Variants in FGF12 observed in about 807,000 individuals in gnomAD.
FGF12 encodes the protein fibroblast growth factor 12.
A neutral mutation model predicts 23.6 loss-of-function variants in FGF12; 14 were observed. That is an observed-to-expected ratio of 0.59 (90% CI 0.39 to 0.93). The LOEUF is 0.93. Ranked by LOEUF, FGF12 falls within the 40% of genes least tolerant of loss-of-function variation. FGF12 has a pLI of 0.00. For synonymous variants in FGF12, 62 were observed against 77.3 expected (o/e 0.80, Z 1.04); for missense variants, 175 against 217.8 (o/e 0.80, Z 1.24).
At chr3:192,416,724 T>C (rs1721369368) in intron 2 of FGF12, among the ~76,000 whole-genome samples, 1 of 152,132 alleles carries the variant, frequency 6.6e-6, no homozygotes, top group Non-Finnish European at 1.5e-5. Flanking sequence ...CGTCACTCAC[T>C]TAAAAGTAAT....
intron 2 of FGF12, among the ~76,000 whole-genome samples, chr3:192,704,750 A>G (rs535380691): frequency 2.0e-5 from 3 of 152,336 alleles, no homozygotes; most frequent in Admixed American, 6.5e-5. Flanking sequence ...AAGACTATGA[A>G]GTCTCCATTG....
intron 2 of FGF12, among the ~76,000 whole-genome samples, chr3:192,546,289 G>A (rs564384078): frequency 3.6e-4 from 54 of 151,972 alleles, no homozygotes; most frequent in African/African-American, 1.3e-3. Context: ...CGCACTACAG[G>A]GCTTACAATA....
intron 2 of FGF12, among the ~76,000 whole-genome samples, chr3:192,398,590 C>T (rs191173206): frequency 2.7e-3 from 405 of 152,162 alleles, no homozygotes; most frequent in African/African-American, 9.5e-3. Context: ...CCATGTTGAC[C>T]AGACTGGTCT....
At chr3:192,528,639 T>A (rs1381217752) in intron 2 of FGF12, among the ~76,000 whole-genome samples, 1 of 152,196 alleles carries the variant, frequency 6.6e-6, no homozygotes, top group Non-Finnish European at 1.5e-5. Flanking sequence ...GCAGAGGTTC[T>A]CTATGAGAGC....
chr3:192,352,458 C>T (rs1223580933), intron 3 of FGF12, among the ~76,000 whole-genome samples: 1 of 152,230 alleles, frequency 6.6e-6, no homozygotes, highest in Non-Finnish European at 1.5e-5. Context: ...TTCTCAGATA[C>T]ATAGATGCTG....
intron 3 of FGF12, among the ~76,000 whole-genome samples, chr3:192,347,944 C>T (rs150283956): frequency 6.6e-6 from 1 of 152,150 alleles, no homozygotes; most frequent in Non-Finnish European, 1.5e-5. Context: ...AAGTGTTAAA[C>T]TAATTGCCCA....
intron 2 of FGF12, among the ~76,000 whole-genome samples, chr3:192,680,524 G>C (rs575899511): frequency 2.0e-5 from 3 of 152,142 alleles, no homozygotes; most frequent in Non-Finnish European, 4.4e-5. Context: ...AAGCCAAAGA[G>C]GTCAGACTGT....
chr3:192,194,523 C>T (rs891665910), intron 4 of FGF12, among the ~76,000 whole-genome samples: 3 of 152,186 alleles, frequency 2.0e-5, no homozygotes, highest in Admixed American at 1.3e-4. Context: ...CACTAAACAT[C>T]TGGGTATTTC....
At chr3:192,158,013 A>G (rs966201872) in intron 5 of FGF12, among the ~76,000 whole-genome samples, 1 of 152,224 alleles carries the variant, frequency 6.6e-6, no homozygotes, top group Non-Finnish European at 1.5e-5. Flanking sequence ...AGTCAGCTTT[A>G]AAATCCATTT....
intron 4 of FGF12, among the ~76,000 whole-genome samples, chr3:192,277,848 C>T (rs1713895120): frequency 6.6e-6 from 1 of 152,198 alleles, no homozygotes; most frequent in East Asian, 1.9e-4. Flanking sequence ...CTGCAACCTT[C>T]ACCTCCCGGG....
intron 4 of FGF12, among the ~76,000 whole-genome samples, chr3:192,183,245 G>C (rs1716278902): frequency 6.6e-6 from 1 of 152,024 alleles, no homozygotes; most frequent in Non-Finnish European, 1.5e-5. Flanking sequence ...ACCCAGCAGT[G>C]AGTAGGCTGA....
At chr3:192,284,676 G>C (rs1299402364) in intron 4 of FGF12, among the ~76,000 whole-genome samples, 2 of 152,000 alleles carry the variant, frequency 1.3e-5, no homozygotes, top group African/African-American at 2.4e-5. Flanking sequence ...CAAATCAATA[G>C]AGCTAGAGAA....
intron 5 of FGF12, among the ~76,000 whole-genome samples, chr3:192,158,474 GTC>G (rs371763902): frequency 3.2e-5 from 4 of 124,532 alleles, no homozygotes; most frequent in African/African-American, 1.2e-4. Flanking sequence ...CTTGCTCTTT[GTC>G]TCTCTCTCCC....
At chr3:192,417,357 CAAA>C (rs35195568) in intron 2 of FGF12, among the ~76,000 whole-genome samples, 3 of 131,306 alleles carry the variant, frequency 2.3e-5, no homozygotes, top group African/African-American at 2.8e-5. Context: ...AATTCATTAC[CAAA>C]AAAAAAAAAA....
At position 192,384,162 on chromosome 3, in the gene FGF12, G is replaced by A. The variant is rs545922360; in HGVS notation, c.14-23624C>T. Among the ~76,000 whole-genome samples the A allele has an allele frequency of 5.3e-5, 8 of 152,332 alleles. No individual in the cohort carries two copies. The East Asian group carries it at 1.3e-3, about 26-fold the overall frequency. On this transcript the variant is annotated intron_variant, in intron 2 of 5. Coordinates refer to ENST00000445105, the MANE Select transcript of FGF12 (RefSeq NM_004113.6). ...TAGACATCATTAGTAATGGTGGCAAGAACAGGATTGTTAGTGTTAGTGTTG... is the reference window on the plus strand; with the variant it reads ...TAGACATCATTAGTAATGGTGGCAAAAACAGGATTGTTAGTGTTAGTGTTG...
At chr3:192,562,418 C>T (rs1662598963) in intron 2 of FGF12, among the ~76,000 whole-genome samples, 2 of 151,948 alleles carry the variant, frequency 1.3e-5, no homozygotes, top group African/African-American at 4.8e-5. Context: ...ACAAAGAATG[C>T]ATGTATTTTT....
At chr3:192,182,614 T>C (rs1716241657) in intron 4 of FGF12, among the ~76,000 whole-genome samples, 1 of 152,142 alleles carries the variant, frequency 6.6e-6, no homozygotes, top group Non-Finnish European at 1.5e-5. Flanking sequence ...TACCCCATCG[T>C]CTATGTCCTG....
At chr3:192,228,344 C>T (rs1357248760) in intron 4 of FGF12, among the ~76,000 whole-genome samples, 1 of 152,020 alleles carries the variant, frequency 6.6e-6, no homozygotes, top group Non-Finnish European at 1.5e-5. Flanking sequence ...ATCCAGCTTC[C>T]CTGTGTCCTG....
intron 4 of FGF12, among the ~76,000 whole-genome samples, chr3:192,326,217 G>A (rs192064115): frequency 5.1e-4 from 77 of 152,232 alleles, no homozygotes; most frequent in African/African-American, 8.7e-4. Flanking sequence ...CAAAAGAAAG[G>A]AAATACAGAG....
Sources: allele counts gnomAD v4.1 joint callset (sites outside exome capture counted in the v4.1 genomes callset), GRCh38; gene constraint gnomAD v4.1.1; transcripts MANE v1.5; gene names NCBI Gene and HGNC (gene_info 2026-07-23, HGNC 2026-07-21).